CYP7B1: variants seen among roughly 807,000 people sequenced by gnomAD.
CYP7B1 encodes the protein cytochrome P450 family 7 subfamily B member 1.
CYP7B1 carries 29 observed loss-of-function variants against 42.7 expected under a neutral mutation model. The observed-to-expected ratio is 0.68, with a 90% confidence interval of 0.51 to 0.93. CYP7B1 has a LOEUF of 0.93. CYP7B1 is among the 40% of genes least tolerant of loss of function. The probability of loss-of-function intolerance (pLI) is 0.00; values close to 1 mark genes in which losing one functional copy is unlikely to be tolerated. For missense variants in CYP7B1, 655 were observed against 600.5 expected (o/e 1.09, Z -0.95); for synonymous variants, 235 against 218.2 (o/e 1.08, Z -0.68).
chr8:64,733,655 C>T (rs1199516208), intron 1 of CYP7B1, among the ~76,000 whole-genome samples: 1 of 152,156 alleles, frequency 6.6e-6, no homozygotes, highest in Non-Finnish European at 1.5e-5. Flanking sequence ...GAAATTTCTA[C>T]TCAGCTTTGA....
downstream of CYP7B1, among the ~76,000 whole-genome samples, chr8:64,587,288 T>A (rs949384103): frequency 4.6e-5 from 7 of 152,214 alleles, no homozygotes; most frequent in Non-Finnish European, 7.3e-5. Flanking sequence ...GGGATCCGCA[T>A]CCGAAGAGCA....
intron 1 of CYP7B1, among the ~76,000 whole-genome samples, chr8:64,706,339 G>T (rs750335179): frequency 6.6e-6 from 1 of 152,002 alleles, no homozygotes; most frequent in Non-Finnish European, 1.5e-5. Context: ...AAATGTAGGC[G>T]TTCTTTTTAT....
intron 1 of CYP7B1, among the ~76,000 whole-genome samples, chr8:64,662,244 G>T (rs764594274): frequency 3.3e-5 from 5 of 152,014 alleles, no homozygotes; most frequent in Non-Finnish European, 5.9e-5. Context: ...GAGAAGGGAG[G>T]ATTACTTGAG....
chr8:64,787,880 A>C (rs1196586950), intron 1 of CYP7B1, among the ~76,000 whole-genome samples: 1 of 152,210 alleles, frequency 6.6e-6, no homozygotes, highest in East Asian at 1.9e-4. Flanking sequence ...CTGAAGGGGA[A>C]GCAAATATGT....
At chr8:64,782,923 A>C (rs1437520001) in intron 1 of CYP7B1, among the ~76,000 whole-genome samples, 1 of 152,212 alleles carries the variant, frequency 6.6e-6, no homozygotes, top group East Asian at 1.9e-4. Context: ...GTAACAGTGA[A>C]GCAAGCCAGA....
At chr8:64,749,460 G>A (rs544168463) in intron 1 of CYP7B1, among the ~76,000 whole-genome samples, 1 of 152,320 alleles carries the variant, frequency 6.6e-6, no homozygotes, top group African/African-American at 2.4e-5. Flanking sequence ...AGGTACCATA[G>A]TAATCCAGGT....
intron 5 of CYP7B1, among the ~76,000 whole-genome samples, chr8:64,603,025 TAGTC>T (rs1303848408): frequency 1.3e-5 from 2 of 152,172 alleles, no homozygotes; most frequent in African/African-American, 4.8e-5. Flanking sequence ...ATTTTAACAT[TAGTC>T]AGGCATAATT....
chr8:64,664,806 T>C (rs1338129946), intron 1 of CYP7B1, among the ~76,000 whole-genome samples: 1 of 152,180 alleles, frequency 6.6e-6, no homozygotes, highest in Non-Finnish European at 1.5e-5. Flanking sequence ...TTCTTGTCTA[T>C]CCTAAGGGTA....
chr8:64,591,659 T>C lies in CYP7B1; in HGVS notation c.*4983A>G, dbSNP rs938660880. On this transcript the variant is annotated 3_prime_UTR_variant, in exon 6 of 6. Coordinates refer to ENST00000310193, the MANE Select transcript of CYP7B1 (RefSeq NM_004820.5). ...AGACTTGTGACCCAAAACTTAATTATAAAATGGAGATGAAGTAAGGAAGTA... is the reference window on the plus strand; with the variant it reads ...AGACTTGTGACCCAAAACTTAATTACAAAATGGAGATGAAGTAAGGAAGTA... 2.0e-5 allele frequency among the ~76,000 whole-genome samples: 3 copies of C among 152,130 alleles called. No individual in the cohort carries two copies. The highest frequency in any genetic ancestry group is 3.8e-4 in the East Asian group (2 of 5,204).
chr8:64,770,981 G>A (rs1330436600), intron 1 of CYP7B1, among the ~76,000 whole-genome samples: 1 of 140,026 alleles, frequency 7.1e-6, no homozygotes, highest in Non-Finnish European at 1.5e-5. Flanking sequence ...CATATGGGGA[G>A]TTTTGAAAAC....
intron 1 of CYP7B1, among the ~76,000 whole-genome samples, chr8:64,741,802 C>T (rs1807573547): frequency 6.6e-6 from 1 of 152,006 alleles, no homozygotes; most frequent in African/African-American, 2.4e-5. Context: ...AAAATGTGTA[C>T]AGGATATATA....
intron 1 of CYP7B1, among the ~76,000 whole-genome samples, chr8:64,777,195 A>T (rs1209858677): frequency 1.3e-4 from 20 of 151,454 alleles, no homozygotes. Context: ...AAAAAAAAAA[A>T]ATTAGAGGTG....
chr8:64,634,028 T>C (rs935455667), intron 1 of CYP7B1, among the ~76,000 whole-genome samples: 4 of 152,210 alleles, frequency 2.6e-5, no homozygotes, highest in Admixed American at 2.6e-4. Context: ...TTTAAGATGT[T>C]AGTAGTCATT....
At chr8:64,749,134 G>A (rs1173962407) in intron 1 of CYP7B1, among the ~76,000 whole-genome samples, 1 of 151,766 alleles carries the variant, frequency 6.6e-6, no homozygotes, top group African/African-American at 2.4e-5. Context: ...AAGCTGGAGT[G>A]CAGTGGTGTG....
At chr8:64,620,682 T>C (rs1336829156) in intron 2 of CYP7B1, among the ~76,000 whole-genome samples, 5 of 152,230 alleles carry the variant, frequency 3.3e-5, no homozygotes, top group Non-Finnish European at 7.3e-5. Context: ...ATTTTCTAAA[T>C]GAGCTACTTT....
chr8:64,725,632 G>C (rs1807311922), intron 1 of CYP7B1, among the ~76,000 whole-genome samples: 1 of 152,192 alleles, frequency 6.6e-6, no homozygotes, highest in African/African-American at 2.4e-5. Context: ...ATAACTGCAA[G>C]GCTTGGGCCT....
At chr8:64,754,006 A>C (rs1044178547) in intron 1 of CYP7B1, among the ~76,000 whole-genome samples, 1 of 152,090 alleles carries the variant, frequency 6.6e-6, no homozygotes, top group Non-Finnish European at 1.5e-5. Flanking sequence ...TCCATGCAAC[A>C]AAGAGGCCAG....
At chr8:64,682,632 A>G (rs186214434) in intron 1 of CYP7B1, among the ~76,000 whole-genome samples, 2 of 152,252 alleles carry the variant, frequency 1.3e-5, no homozygotes, top group East Asian at 3.9e-4. Context: ...CCACCTTTCC[A>G]GTATCTCTGA....
chr8:64,603,169 C>T (rs548684272), intron 5 of CYP7B1, among the ~76,000 whole-genome samples: 1 of 152,186 alleles, frequency 6.6e-6, no homozygotes, highest in South Asian at 2.1e-4. Context: ...AAGGCAAGCC[C>T]TTCTGATTAC....
Sources: allele counts gnomAD v4.1 joint callset (sites outside exome capture counted in the v4.1 genomes callset), GRCh38; gene constraint gnomAD v4.1.1; transcripts MANE v1.5; gene names NCBI Gene and HGNC (gene_info 2026-07-23, HGNC 2026-07-21).